Variants in RBFOX3 observed in about 807,000 individuals in gnomAD.
RBFOX3 encodes the protein RNA binding fox-1 homolog 3, also known as RNA binding protein fox-1 homolog 3.
A neutral mutation model predicts 48.7 loss-of-function variants in RBFOX3; 17 were observed. That is an observed-to-expected ratio of 0.35 (90% CI 0.24 to 0.52). The LOEUF (loss-of-function observed/expected upper bound fraction) is 0.52, where lower values mean the gene tolerates loss of function less well. Among genes scored for constraint, RBFOX3 ranks in the 20% least tolerant of loss-of-function variants. The pLI is 0.94. For missense variants in RBFOX3, 382 were observed against 497.5 expected (o/e 0.77, Z 2.21); for synonymous variants, 212 against 209.5 (o/e 1.01, Z -0.10).
At position 79,205,149 on chromosome 17, in the gene RBFOX3, C is replaced by T. The variant is rs754509719; in HGVS notation, c.-34+30617G>A. On this transcript the variant is annotated intron_variant, in intron 4 of 14. Coordinates refer to ENST00000693108, the MANE Select transcript of RBFOX3 (RefSeq NM_001350451.2). This position sits in a 1 kb window ranked among gnomAD's most constrained non-coding sequence, Gnocchi z 4.5. ...ATATTTATAATGATAGCATCCCCAT[C>T]CTTCCCCAGATGGACCTGTGGATAC... 1.3e-5 allele frequency among the ~76,000 whole-genome samples: 2 copies of T among 152,166 alleles called. No homozygotes were observed. The highest frequency in any genetic ancestry group is 2.9e-5 in the Non-Finnish European group (2 of 68,034).
At chr17:79,091,950 C>T (rs866190711) in intron 14 of RBFOX3, 25 of 985,072 alleles carry the variant, frequency 2.5e-5, no homozygotes, top group Middle Eastern at 5.2e-4. Context: ...CAAGAAATAT[C>T]GTCAATAAAA....
intron 2 of RBFOX3, among the ~76,000 whole-genome samples, chr17:79,319,832 TCTTGTCCGGGCTG>T: frequency 1.9e-5 from 1 of 53,882 alleles, no homozygotes; most frequent in Non-Finnish European, 3.7e-5. Context: ...AGGCTGCTGG[TCTTGTCCGGGCTG>T]CTAGTCTTGC....
chr17:79,250,037 G>T (rs569693380), intron 3 of RBFOX3, among the ~76,000 whole-genome samples: 1 of 152,284 alleles, frequency 6.6e-6, no homozygotes, highest in Admixed American at 6.5e-5. Flanking sequence ...GTTCCTTAGC[G>T]CTTGGTGCAG....
In RBFOX3 at chr17:79,231,022, G is replaced by A. The variant is rs1332560547; in HGVS notation, c.-34+4744C>T. On this transcript the variant is annotated intron_variant, in intron 4 of 14. Transcript: ENST00000693108. ...GAAGGGCAGTGATCCCCCAGTGCTG[G>A]TCATAGAGGAGCTGCACAGTCGTCC... 2.6e-5 allele frequency among the ~76,000 whole-genome samples: 4 copies of A among 152,106 alleles called. No homozygotes were observed. In the East Asian group the frequency reaches 5.8e-4, roughly 22 times the overall value.
At position 79,256,736 on chromosome 17, in the gene RBFOX3, G is replaced by A. The variant is rs577196314; in HGVS notation, c.-73-20931C>T. 7.2e-5 allele frequency among the ~76,000 whole-genome samples: 11 copies of A among 152,206 alleles called. No homozygotes were observed. The East Asian group carries it at 1.9e-3, about 27-fold the overall frequency. Reference sequence around the variant, plus strand: ...AGTTTGAGACCAGCCTGGCCAAGAAGGAGAAAACCCATCTCCACTAAAAAT... The same window carrying A: ...AGTTTGAGACCAGCCTGGCCAAGAAAGAGAAAACCCATCTCCACTAAAAAT... On this transcript the variant is annotated intron_variant, in intron 3 of 14. Coordinates refer to ENST00000693108, the MANE Select transcript of RBFOX3 (RefSeq NM_001350451.2).
intron 4 of RBFOX3, among the ~76,000 whole-genome samples, chr17:79,217,396 C>T (rs1038647862): frequency 2.6e-5 from 4 of 152,204 alleles, no homozygotes; most frequent in Non-Finnish European, 5.9e-5. Flanking sequence ...CTGGCCAGGT[C>T]CCATCCTGCA....
chr17:79,534,225 G>A (rs1340518361), intron 1 of RBFOX3, among the ~76,000 whole-genome samples: 2 of 152,200 alleles, frequency 1.3e-5, no homozygotes, highest in African/African-American at 4.8e-5. Flanking sequence ...CTTGAGACAG[G>A]AGACCTCATC....
At position 79,378,469 on chromosome 17, in the gene RBFOX3, A is replaced by T. The variant is rs569271568; in HGVS notation, c.-174-70645T>A. ...AATAATACGATTGAGAGCATTAAAA[A>T]ATATCGCACTTGCCCAGGTGTCGGA... is the stretch of plus-strand genomic sequence containing the variant. On this transcript the variant is annotated intron_variant, in intron 2 of 14. Transcript: ENST00000693108. Among the ~76,000 whole-genome samples, 7 of 152,342 alleles carry T rather than the reference A, an allele frequency of 4.6e-5. No homozygotes were observed. The East Asian group carries it at 1.4e-3, about 29-fold the overall frequency.
rs1160061152 is a variant in RBFOX3 at position 79,418,798 on chromosome 17, G to A, written c.-175+63656C>T. On this transcript the variant is annotated intron_variant, in intron 2 of 14. Transcript: ENST00000693108. This position sits in a 1 kb window ranked among gnomAD's most constrained non-coding sequence, Gnocchi z 5.0. ...CAAAAAGTGAGGGAGGACATGGCAC[G>A]GAAGACCCAGCCCCTTCCCATGCAG... 2.0e-5 allele frequency among the ~76,000 whole-genome samples: 3 copies of A among 152,088 alleles called. No homozygotes were observed. The highest frequency in any genetic ancestry group is 3.9e-4 in the East Asian group (2 of 5,156).
chr17:79,170,643 C>T lies in RBFOX3; in HGVS notation c.-33-54895G>A, dbSNP rs146272889. On this transcript the variant is annotated intron_variant, in intron 4 of 14. Coordinates refer to ENST00000693108, the MANE Select transcript of RBFOX3 (RefSeq NM_001350451.2). Reference sequence around the variant, plus strand: ...CGCTAAAGCTTCCCCATCCACCCCTCTCTGTCCCTACTGCTGCCCCTGCCC... The same window carrying T: ...CGCTAAAGCTTCCCCATCCACCCCTTTCTGTCCCTACTGCTGCCCCTGCCC... Among the ~76,000 whole-genome samples, 461 of 152,266 alleles carry T rather than the reference C, an allele frequency of 3.0e-3. 4 individuals carry two copies. Among genetic ancestry groups the T allele is most frequent in the African/African-American group, 0.011 (449 of 41,550 alleles).
chr17:79,245,316 T>C (rs972879296), intron 3 of RBFOX3, among the ~76,000 whole-genome samples: 1 of 152,110 alleles, frequency 6.6e-6, no homozygotes, highest in African/African-American at 2.4e-5. Context: ...AGAGGCCACA[T>C]GCCACGGTGG....
At chr17:79,425,743 T>C (rs1407488162) in intron 2 of RBFOX3, among the ~76,000 whole-genome samples, 1 of 150,610 alleles carries the variant, frequency 6.6e-6, no homozygotes, top group Non-Finnish European at 1.5e-5. Context: ...GAGGGAGCAG[T>C]GAAGGGACAG....
chr17:79,163,404 C>T (rs1413788538), intron 4 of RBFOX3, among the ~76,000 whole-genome samples: 11 of 152,230 alleles, frequency 7.2e-5, no homozygotes. Context: ...TCCAGGGATG[C>T]TCTTCAGGCT....
At chr17:79,360,104 T>A (rs955239433) in intron 2 of RBFOX3, among the ~76,000 whole-genome samples, 1 of 152,102 alleles carries the variant, frequency 6.6e-6, no homozygotes, top group African/African-American at 2.4e-5. Flanking sequence ...CCTTTTCTCT[T>A]TCCGACCTCC....
chr17:79,271,859 TC>T (rs906329467), intron 3 of RBFOX3, among the ~76,000 whole-genome samples: 1 of 152,138 alleles, frequency 6.6e-6, no homozygotes, highest in Non-Finnish European at 1.5e-5. Flanking sequence ...GCACAGGAGT[TC>T]CCCGGGGGCT....
chr17:79,199,246 C>CT lies in RBFOX3; in HGVS notation c.-34+36519_-34+36520insA, dbSNP rs752377084. Reference sequence around the variant, plus strand: ...GGCCTTTCGAAAAGACCTCCCTAGCCCCCCACCCTCGGCAGCACCACCCAC... The same window carrying CT: ...GGCCTTTCGAAAAGACCTCCCTAGCCTCCCCACCCTCGGCAGCACCACCCAC... On this transcript the variant is annotated intron_variant, in intron 4 of 14. Transcript: ENST00000693108. This position sits in a 1 kb window ranked among gnomAD's most constrained non-coding sequence, Gnocchi z 5.1. Among the ~76,000 whole-genome samples, 1 of 152,150 alleles carries CT rather than the reference C, an allele frequency of 6.6e-6. No homozygotes were observed. The highest frequency in any genetic ancestry group is 2.4e-5 in the African/African-American group (1 of 41,426).
At chr17:79,446,062 C>T (rs1218790502) in intron 2 of RBFOX3, among the ~76,000 whole-genome samples, 1 of 152,194 alleles carries the variant, frequency 6.6e-6, no homozygotes, top group East Asian at 1.9e-4. Context: ...GGTCCCCCGA[C>T]ATGTCAACAG....
At chr17:79,303,203 G>A (rs1401483902) in intron 3 of RBFOX3, among the ~76,000 whole-genome samples, 1 of 152,130 alleles carries the variant, frequency 6.6e-6, no homozygotes, top group East Asian at 1.9e-4. Context: ...ACAAGACCTT[G>A]TCTCAAATAG....
chr17:79,229,094 T>C (rs1218985646), intron 4 of RBFOX3, among the ~76,000 whole-genome samples: 3 of 151,060 alleles, frequency 2.0e-5, no homozygotes, highest in Non-Finnish European at 4.4e-5. Context: ...CCAGGCGTGG[T>C]GGCATACGCC....
Sources: allele counts gnomAD v4.1 joint callset (sites outside exome capture counted in the v4.1 genomes callset), GRCh38; gene constraint gnomAD v4.1.1; non-coding constraint Gnocchi (gnomAD v3.1); transcripts MANE v1.5; gene names NCBI Gene and HGNC (gene_info 2026-07-23, HGNC 2026-07-21).